TUBGCP2: variants seen among roughly 807,000 people sequenced by gnomAD.
TUBGCP2 encodes the protein tubulin gamma complex component 2, also known as gamma-tubulin complex component 2.
In TUBGCP2, 55 loss-of-function variants were observed where a neutral mutation model predicts 92.2. The ratio of observed to expected loss-of-function variants is 0.60; its 90% CI spans 0.48 to 0.75. TUBGCP2 has a LOEUF of 0.75. Ranked by LOEUF, TUBGCP2 falls within the 30% of genes least tolerant of loss-of-function variation. The probability of loss-of-function intolerance (pLI) is 0.00; values close to 1 mark genes in which losing one functional copy is unlikely to be tolerated. For synonymous variants in TUBGCP2, 533 were observed against 505.2 expected (o/e 1.06, Z -0.74); for missense variants, 1,093 against 1,188.9 (o/e 0.92, Z 1.19).
In TUBGCP2 at chr10:133,288,855, A is replaced by G; in HGVS notation, c.1526T>C (p.Leu509Pro). Reference protein sequence around the residue: ...LLDFLMEEKELVAHLRSIKRY... With the variant: ...LLDFLMEEKEPVAHLRSIKRY... ...ACGGAATCACCTGAGGTGAGCCACCAGCTCCTTCTCCTCCATCAGGAAGTC... is the reference window on the plus strand; with the variant it reads ...ACGGAATCACCTGAGGTGAGCCACCGGCTCCTTCTCCTCCATCAGGAAGTC... Residue 509 changes from leucine (L) to proline (P), a missense_variant, in exon 10 of 18, where the codon CTG becomes CCG. This residue lies in a region of TUBGCP2 where 598 missense variants were observed against 675.5 expected (regional missense o/e 0.89). Transcript: ENST00000252936. 1 of 1,611,850 alleles carries G rather than the reference A, an allele frequency of 6.2e-7. No individual in the cohort carries two copies. The highest frequency in any genetic ancestry group is 8.5e-7 in the Non-Finnish European group (1 of 1,178,784).
chr10:133,308,949 G>C, upstream of TUBGCP2: 3 of 1,232,930 alleles, frequency 2.4e-6, no homozygotes, highest in Non-Finnish European at 3.1e-6. Context: ...GGGTGATGCA[G>C]TTGCCCCCCG....
intron 8 of TUBGCP2, chr10:133,290,812 G>A (rs572315219): frequency 2.0e-5 from 3 of 152,390 alleles, no homozygotes; most frequent in Admixed American, 6.5e-5. Flanking sequence ...CATCATTTAC[G>A]CACTTCAAGT....
chr10:133,281,755 C>T (rs1349290626), intron 16 of TUBGCP2, among the ~76,000 whole-genome samples: 2 of 152,262 alleles, frequency 1.3e-5, no homozygotes, highest in African/African-American at 4.8e-5. Context: ...CCTCCGGCCC[C>T]CACGCTTCCA....
intron 8 of TUBGCP2, among the ~76,000 whole-genome samples, chr10:133,291,238 C>T (rs1372190474): frequency 8.9e-6 from 1 of 112,030 alleles, no homozygotes; most frequent in East Asian, 2.9e-4. Flanking sequence ...CAGCACGCGC[C>T]CTCCGTGTCC....
chr10:133,291,852 CTG>C (rs1564939487), intron 8 of TUBGCP2, among the ~76,000 whole-genome samples: 2 of 29,144 alleles, frequency 6.9e-5, no homozygotes, highest in Non-Finnish European at 5.6e-5. Context: ...CTCCGTGTCC[CTG>C]TGTCCCGGGG....
upstream of TUBGCP2, chr10:133,309,783 G>A (rs1447650778): frequency 3.1e-6 from 5 of 1,612,894 alleles, no homozygotes; most frequent in South Asian, 2.2e-5. Flanking sequence ...CAGGGTGCCC[G>A]CGTTTGCCTG....
At chr10:133,299,384 C>A (rs373631061) in intron 4 of TUBGCP2, 43 bp downstream of exon 4, 4 of 1,516,248 alleles carry the variant, frequency 2.6e-6, no homozygotes, top group African/African-American at 1.4e-5. Context: ...GGACACAGGA[C>A]CTGCTGCAGC....
At chr10:133,281,661 G>A (rs1362632023) in intron 16 of TUBGCP2, 2 of 602,662 alleles carry the variant, frequency 3.3e-6, no homozygotes, top group Non-Finnish European at 2.8e-6. Context: ...GGATGAGGTG[G>A]TCACTCTCCT....
chr10:133,289,738 G>T, intron 9 of TUBGCP2, 86 bp downstream of exon 9: 1 of 1,406,248 alleles, frequency 7.1e-7, no homozygotes, highest in South Asian at 1.4e-5. Flanking sequence ...TGAGGCACAG[G>T]CTCCCGGTGG....
upstream of TUBGCP2, chr10:133,311,736 C>T: frequency 1.9e-6 from 3 of 1,613,570 alleles, no homozygotes; most frequent in Non-Finnish European, 2.5e-6. Context: ...GCAGAAGCCC[C>T]AGGGGACAGT....
At chr10:133,282,095 C>A (rs1176574226) in intron 16 of TUBGCP2, 128 bp downstream of exon 16, 6 of 1,440,806 alleles carry the variant, frequency 4.2e-6, no homozygotes, top group African/African-American at 2.8e-5. Flanking sequence ...AATTTTAAGT[C>A]TTTTCTTCAA....
At chr10:133,291,938 T>C (rs1287015492) in intron 8 of TUBGCP2, among the ~76,000 whole-genome samples, 1 of 22,854 alleles carries the variant, frequency 4.4e-5, no homozygotes, top group Non-Finnish European at 8.6e-5. Context: ...CCCATGTCCC[T>C]CCGTGTCCCT....
At position 133,291,316 on chromosome 10, in the gene TUBGCP2, G is replaced by GTCGTGGATGATGCCCCTGT. The variant is rs1564938933; in HGVS notation, c.1214+1182_1214+1183insACAGGGGCATCATCCACGA. Among the ~76,000 whole-genome samples the GTCGTGGATGATGCCCCTGT allele has an allele frequency of 4.6e-3, 320 of 69,940 alleles. 20 individuals are homozygous for GTCGTGGATGATGCCCCTGT. The highest frequency in any genetic ancestry group is 0.013 in the East Asian group (15 of 1,200). The allele number at this position is 69,940 out of a possible 152,430, so 45.9% of individuals were successfully genotyped here. A position where few individuals can be genotyped will look rare whatever the true frequency, so the allele number is the denominator to read the frequency against. Reference sequence around the variant, plus strand: ...GTCCCGGGGAGCCCTACCTGTACGGGAGAGGGCAGCATGCACCGTCCGTGT... The same window carrying GTCGTGGATGATGCCCCTGT: ...GTCCCGGGGAGCCCTACCTGTACGGGTCGTGGATGATGCCCCTGTAGAGGGCAGCATGCACCGTCCGTGT... On this transcript the variant is annotated intron_variant, in intron 8 of 17. Coordinates refer to ENST00000252936, the MANE Select transcript of TUBGCP2 (RefSeq NM_006659.4).
rs756056879 is a variant in TUBGCP2 at position 133,293,656 on chromosome 10, G to A, written c.730C>T (p.Arg244Trp). 3.1e-5 allele frequency: 50 copies of A among 1,592,766 alleles called. No homozygotes were observed. Among genetic ancestry groups the A allele is most frequent in the South Asian group, 5.7e-5 (5 of 87,732 alleles). ...AGGTTGGGGTCCACGAGGAAGGTCC[G>A]GCTCTGCCTCCCAGCCAGGGGCTGA... The part of the protein sequence containing the change: ...SAQPLAGRQS[R>W]TFLVDPNLDL... Residue 244 changes from arginine (R) to tryptophan (W), a missense_variant, in exon 6 of 18, where the codon CGG becomes TGG. Arg to Trp is a moderately radical substitution (Grantham distance 101). Around this residue, in one of 3 missense-constraint regions of TUBGCP2, gnomAD observed 490 missense variants for 488.5 expected, o/e 1.00. Coordinates refer to ENST00000252936, the MANE Select transcript of TUBGCP2 (RefSeq NM_006659.4).
intron 5 of TUBGCP2, among the ~76,000 whole-genome samples, chr10:133,296,746 G>C (rs1469488144): frequency 1.3e-5 from 2 of 152,196 alleles, no homozygotes; most frequent in Non-Finnish European, 2.9e-5. Context: ...TAAGTGCTGG[G>C]ATTACAGGTG....
chr10:133,299,731 C>T (rs1430823948), intron 3 of TUBGCP2, 128 bp from the exon 4 acceptor site: 6 of 907,454 alleles, frequency 6.6e-6, no homozygotes, highest in Non-Finnish European at 1.0e-5. Flanking sequence ...CAAAGCGACG[C>T]GTGCGACAGG....
chr10:133,283,169 C>A lies in TUBGCP2; in HGVS notation c.2198G>T (p.Cys733Phe), dbSNP rs1210018287. 2.5e-6 allele frequency: 4 copies of A among 1,614,240 alleles called. No homozygotes were observed. The highest frequency in any genetic ancestry group is 3.4e-6 in the Non-Finnish European group (4 of 1,180,044). Reference protein sequence around the residue: ...LGHHTGFLDTCLKDCMLTNPE... With the variant: ...LGHHTGFLDTFLKDCMLTNPE... Reference sequence around the variant, plus strand: ...GTTGGTGAGCATGCAGTCCTTCAGGCAGGTGTCCAGGAAGCCTGTGTGGTG... The same window carrying A: ...GTTGGTGAGCATGCAGTCCTTCAGGAAGGTGTCCAGGAAGCCTGTGTGGTG... Residue 733 changes from cysteine to phenylalanine, a missense_variant, in exon 15 of 18, where the codon TGC becomes TTC. Transcript: ENST00000252936.
intron 4 of TUBGCP2, 89 bp downstream of exon 4, chr10:133,299,338 G>A (rs929581367): frequency 7.7e-6 from 9 of 1,165,704 alleles, no homozygotes; most frequent in African/African-American, 6.3e-5. Flanking sequence ...GCAGGGGCCC[G>A]GCACAGCACT....
At chr10:133,281,853 G>A (rs1846988332) in intron 16 of TUBGCP2, among the ~76,000 whole-genome samples, 2 of 152,256 alleles carry the variant, frequency 1.3e-5, no homozygotes, top group Non-Finnish European at 2.9e-5. Context: ...CGGCGCCGCA[G>A]GGCCATGCCT....
Sources: allele counts gnomAD v4.1 joint callset (sites outside exome capture counted in the v4.1 genomes callset), GRCh38; gene constraint gnomAD v4.1.1; regional missense constraint gnomAD v4.1.1; transcripts MANE v1.5; gene names NCBI Gene and HGNC (gene_info 2026-07-23, HGNC 2026-07-21).